The following ASB13 variants were observed in gnomAD, a reference collection of about 807,000 sequenced individuals.
ASB13 encodes the protein ankyrin repeat and SOCS box containing 13, also known as ankyrin repeat and SOCS box protein 13.
In ASB13, 33 loss-of-function variants were observed where a neutral mutation model predicts 28.8. The ratio of observed to expected loss-of-function variants is 1.15; its 90% CI spans 0.87 to 1.53. The LOEUF (loss-of-function observed/expected upper bound fraction) is 1.53. Ranked by LOEUF, ASB13 falls within the 40% of genes most tolerant of loss-of-function variation. The pLI is 0.00. For synonymous variants in ASB13, 182 were observed against 172.9 expected, an observed-to-expected ratio of 1.05 and a Z score of -0.41; for missense variants, 414 against 390.1, an observed-to-expected ratio of 1.06 and a Z score of -0.52.
chr10:5,662,388 A>G (rs1321938564), intron 1 of ASB13, among the ~76,000 whole-genome samples: 1 of 151,530 alleles, frequency 6.6e-6, no homozygotes, highest in Non-Finnish European at 1.5e-5. Flanking sequence ...GTGTGGTGGC[A>G]TGCACCTGTA....
Position 5,642,181 on chromosome 10 carries a change from A to G in ASB13, c.518-220T>C, listed in dbSNP as rs1834817744. Among the ~76,000 whole-genome samples, 1 of 152,250 alleles carries G rather than the reference A, an allele frequency of 6.6e-6. No homozygotes were observed. Among genetic ancestry groups the G allele is most frequent in the South Asian group, 2.1e-4 (1 of 4,836 alleles). On this transcript the variant is annotated intron_variant, in intron 4 of 5. Transcript: ENST00000357700. This position sits in a 1 kb window ranked among gnomAD's most constrained non-coding sequence, Gnocchi z 4.1. ...TCATGAGAGATAAAGGTAGGCAGCA[A>G]TAATAAAGAAATAACTAGAAATAGA... is the stretch of plus-strand genomic sequence containing the variant.
At chr10:5,666,344 C>T (rs1317925984) in intron 1 of ASB13, among the ~76,000 whole-genome samples, 165 bp downstream of exon 1, 1 of 152,170 alleles carries the variant, frequency 6.6e-6, no homozygotes, top group Non-Finnish European at 1.5e-5. Context: ...TGCGCGGCAC[C>T]ACTGGGACCC....
Position 5,658,798 on chromosome 10 carries a change from G to A in ASB13, c.44-5748C>T, listed in dbSNP as rs536891210. On this transcript the variant is annotated intron_variant, in intron 1 of 5. Transcript: ENST00000357700. This position sits in a 1 kb window ranked among gnomAD's most constrained non-coding sequence, Gnocchi z 4.2. ...CTAGAGCATGGGGGGACTGTCACCC[G>A]CAGGCTGTCCTCATAGGAGATTTAC... 1.2e-4 allele frequency among the ~76,000 whole-genome samples: 18 copies of A among 152,268 alleles called. No individual in the cohort carries two copies. The highest frequency in any genetic ancestry group is 5.8e-4 in the East Asian group (3 of 5,178).
At position 5,658,501 on chromosome 10, in the gene ASB13, C is replaced by T. The variant is rs181421807; in HGVS notation, c.44-5451G>A. ...ATGATTCCACTTATGTGAGGTCCCT[C>T]GAGTAGTCAAATTCATGGAGATGGA... is the stretch of plus-strand genomic sequence containing the variant. On this transcript the variant is annotated intron_variant, in intron 1 of 5. Transcript: ENST00000357700. This position sits in a 1 kb window ranked among gnomAD's most constrained non-coding sequence, Gnocchi z 4.2. Among the ~76,000 whole-genome samples the T allele has an allele frequency of 3.3e-5, 5 of 151,582 alleles. No individual in the cohort carries two copies. The highest frequency in any genetic ancestry group is 2.1e-4 in the South Asian group (1 of 4,786).
chr10:5,665,495 A>T (rs1835244398), intron 1 of ASB13, among the ~76,000 whole-genome samples: 1 of 152,230 alleles, frequency 6.6e-6, no homozygotes, highest in African/African-American at 2.4e-5. Flanking sequence ...CCATGAACAG[A>T]AATATTAAAA....
chr10:5,657,462 A>G (rs941341964), intron 1 of ASB13, among the ~76,000 whole-genome samples: 2 of 152,184 alleles, frequency 1.3e-5, no homozygotes, highest in Non-Finnish European at 2.9e-5. Context: ...AAGAAATGCA[A>G]ATCAAAACCA....
rs1312214050 is a variant in ASB13, at chr10:5,660,414, AC to A, written c.43+6094del. ...AAGGCTGTGCCCTGCCCCAGGACTGACCTGTCCTTTGAGATTAGGAAGCCCT... is the reference window on the plus strand; with the variant it reads ...AAGGCTGTGCCCTGCCCCAGGACTGACTGTCCTTTGAGATTAGGAAGCCCT... On this transcript the variant is annotated intron_variant, in intron 1 of 5. Coordinates refer to ENST00000357700, the MANE Select transcript of ASB13 (RefSeq NM_024701.4). The surrounding 1 kb of genome is among the most constrained non-coding windows in gnomAD (Gnocchi z 6.1). 6.6e-6 allele frequency among the ~76,000 whole-genome samples: 1 copy of A among 152,010 alleles called. No individual in the cohort carries two copies. Among genetic ancestry groups the A allele is most frequent in the Admixed American group, 6.6e-5 (1 of 15,262 alleles).
rs1242500101 is a variant in ASB13, at chr10:5,658,239, C to T, written c.44-5189G>A. 1.3e-5 allele frequency among the ~76,000 whole-genome samples: 2 copies of T among 152,054 alleles called. No individual in the cohort carries two copies. The highest frequency in any genetic ancestry group is 3.9e-4 in the East Asian group (2 of 5,192). On this transcript the variant is annotated intron_variant, in intron 1 of 5. Transcript: ENST00000357700. The surrounding 1 kb of genome is among the most constrained non-coding windows in gnomAD (Gnocchi z 4.2). Reference sequence around the variant, plus strand: ...ATCCCAGCACTTTGGGAGGCCGAGGCAGGCAATATGGTGAAACCCCATCTC... The same window carrying T: ...ATCCCAGCACTTTGGGAGGCCGAGGTAGGCAATATGGTGAAACCCCATCTC...
rs753618201 is a variant in ASB13 at position 5,651,257 on chromosome 10, G to A, written c.338C>T (p.Pro113Leu). 1.1e-5 allele frequency: 17 copies of A among 1,614,114 alleles called. No individual in the cohort carries two copies. Among genetic ancestry groups the A allele is most frequent in the Non-Finnish European group, 1.4e-5 (17 of 1,180,004 alleles). Residue 113 changes from proline to leucine, a missense_variant, in exon 3 of 6, where the codon CCT (proline) becomes CTT (leucine). Physicochemically the swap from Pro to Leu is moderately conservative, Grantham distance 98. Coordinates refer to ENST00000357700, the MANE Select transcript of ASB13 (RefSeq NM_024701.4). This position sits in a 1 kb window ranked among gnomAD's most constrained non-coding sequence, Gnocchi z 5.1. The part of the protein sequence containing the change: ...LLLSYGAKVN[P>L]PLYTASPLHE... ...CAGGGGGGACGCTGTGTACAGGGGA[G>A]GGTTGACCTTGGCCCCGTAGGACAG...
chr10:5,650,954 G>A lies in ASB13; in HGVS notation c.382+259C>T, dbSNP rs1308362235. 6.6e-6 allele frequency among the ~76,000 whole-genome samples: 1 copy of A among 152,190 alleles called. No homozygotes were observed. The highest frequency in any genetic ancestry group is 1.5e-5 in the Non-Finnish European group (1 of 68,028). On this transcript the variant is annotated intron_variant, in intron 3 of 5. Coordinates refer to ENST00000357700, the MANE Select transcript of ASB13 (RefSeq NM_024701.4). This position sits in a 1 kb window ranked among gnomAD's most constrained non-coding sequence, Gnocchi z 6.0. ...CCCCAGGCCCTGCTAACGTGGAGAG[G>A]CCCAGGGAACCCTGGCTTGGACACA...
rs1320507093 is a variant in ASB13, at chr10:5,666,532, T to C, written c.20A>G (p.Asp7Gly). ...ACCCACGTCGCCCAGGAAGCAGCCG[T>C]CCGCCGCCCGGGGCTCCATGCGGCT... The part of the protein sequence containing the change: MEPRAA[D>G]GCFLGDVGFW... Residue 7 changes from aspartate (D) to glycine (G), a missense_variant, in exon 1 of 6, where the codon GAC (aspartate) becomes GGC (glycine). By Grantham distance (94) the Asp-to-Gly change is moderately conservative. Coordinates refer to ENST00000357700, the MANE Select transcript of ASB13 (RefSeq NM_024701.4). 1.6e-6 allele frequency: 2 copies of C among 1,258,182 alleles called. No individual in the cohort carries two copies. Among genetic ancestry groups the C allele is most frequent in the Admixed American group, 3.4e-5 (1 of 29,090 alleles). The allele number at this position is 1,258,182 out of a possible 1,614,324, so 77.9% of individuals were successfully genotyped here.
chr10:5,656,020 C>T lies in ASB13; in HGVS notation c.44-2970G>A, dbSNP rs147172889. 3.1e-4 allele frequency among the ~76,000 whole-genome samples: 47 copies of T among 152,336 alleles called. No individual in the cohort carries two copies. Among genetic ancestry groups the T allele is most frequent in the African/African-American group, 1.1e-3 (46 of 41,572 alleles). On this transcript the variant is annotated intron_variant, in intron 1 of 5. Transcript: ENST00000357700. This position sits in a 1 kb window ranked among gnomAD's most constrained non-coding sequence, Gnocchi z 4.3. Reference sequence around the variant, plus strand: ...GCGCAGATAATTCACAACATGACAACTGCGATCATGTCTGGTGACAGGGAC... The same window carrying T: ...GCGCAGATAATTCACAACATGACAATTGCGATCATGTCTGGTGACAGGGAC...
chr10:5,646,853 T>G (rs1193132148), intron 4 of ASB13, among the ~76,000 whole-genome samples: 3 of 152,190 alleles, frequency 2.0e-5, no homozygotes, highest in African/African-American at 7.2e-5. Context: ...ATGAACGCAC[T>G]GCGCTGTGTT....
Position 5,645,710 on chromosome 10 carries a change from G to A in ASB13, c.517+3260C>T, listed in dbSNP as rs1233552907. On this transcript the variant is annotated intron_variant, in intron 4 of 5. Coordinates refer to ENST00000357700, the MANE Select transcript of ASB13 (RefSeq NM_024701.4). This position sits in a 1 kb window ranked among gnomAD's most constrained non-coding sequence, Gnocchi z 5.4. ...CTTGAGCCGATCAGAATTTGGCAAA[G>A]TTTGGGCAAAGGGACTGGGGAGGGG... is the stretch of plus-strand genomic sequence containing the variant. 1.3e-5 allele frequency among the ~76,000 whole-genome samples: 2 copies of A among 152,184 alleles called. No homozygotes were observed. Among genetic ancestry groups the A allele is most frequent in the Non-Finnish European group, 2.9e-5 (2 of 68,038 alleles).
chr10:5,648,363 T>C (rs1371914166), intron 4 of ASB13, among the ~76,000 whole-genome samples: 2 of 61,350 alleles, frequency 3.3e-5, no homozygotes, highest in East Asian at 3.8e-4. Flanking sequence ...CCCACGGGGG[T>C]AAACACCCAT....
At chr10:5,662,635 A>T (rs184043419) in intron 1 of ASB13, among the ~76,000 whole-genome samples, 50 of 143,052 alleles carry the variant, frequency 3.5e-4, no homozygotes, top group Non-Finnish European at 4.9e-4. Flanking sequence ...AGAGAAGAGA[A>T]GAGATGAGAT....
rs929252461 is a variant in ASB13 at position 5,663,249 on chromosome 10, G to A, written c.43+3260C>T. 6.6e-6 allele frequency among the ~76,000 whole-genome samples: 1 copy of A among 152,154 alleles called. No individual in the cohort carries two copies. The highest frequency in any genetic ancestry group is 2.4e-5 in the African/African-American group (1 of 41,426). On this transcript the variant is annotated intron_variant, in intron 1 of 5. Coordinates refer to ENST00000357700, the MANE Select transcript of ASB13 (RefSeq NM_024701.4). This position sits in a 1 kb window ranked among gnomAD's most constrained non-coding sequence, Gnocchi z 4.9. ...AAGGAGAAAAGAGGTGAAAATAGGT[G>A]GGCTAAGGAGTAAAGGAACTGGGAG...
rs960618634 is a variant in ASB13, at chr10:5,656,496, A to T, written c.44-3446T>A. ...GGAGATTGCAGTGAGCTGAGATCGC[A>T]CCATTGCATTCCAGCCTGGGCAACC... is the stretch of plus-strand genomic sequence containing the variant. On this transcript the variant is annotated intron_variant, in intron 1 of 5. Transcript: ENST00000357700. The surrounding 1 kb of genome is among the most constrained non-coding windows in gnomAD (Gnocchi z 4.3). 1.3e-5 allele frequency among the ~76,000 whole-genome samples: 2 copies of T among 151,526 alleles called. No homozygotes were observed. Among genetic ancestry groups the T allele is most frequent in the Non-Finnish European group, 2.9e-5 (2 of 67,948 alleles).
At position 5,652,027 on chromosome 10, in the gene ASB13, C is replaced by CACAA. The variant is rs1834996390; in HGVS notation, c.232-665_232-664insTTGT. On this transcript the variant is annotated intron_variant, in intron 2 of 5. Transcript: ENST00000357700. The surrounding 1 kb of genome is among the most constrained non-coding windows in gnomAD (Gnocchi z 5.0). Reference sequence around the variant, plus strand: ...AAAAAAAAAAAAAAAAAAAAAAAACCACACACACACACACACACACACACA... The same window carrying CACAA: ...AAAAAAAAAAAAAAAAAAAAAAAACCACAAACACACACACACACACACACACACA... Among the ~76,000 whole-genome samples, 1 of 1,182 alleles carries CACAA rather than the reference C, an allele frequency of 8.5e-4. No individual in the cohort carries two copies. The highest frequency in any genetic ancestry group is 1.6e-3 in the African/African-American group (1 of 616). 0.8% of individuals were successfully genotyped at this position (1,182 alleles called of 152,430 possible).
Sources: allele counts gnomAD v4.1 joint callset (sites outside exome capture counted in the v4.1 genomes callset), GRCh38; gene constraint gnomAD v4.1.1; non-coding constraint Gnocchi (gnomAD v3.1); transcripts MANE v1.5; gene names NCBI Gene and HGNC (gene_info 2026-07-23, HGNC 2026-07-21).